SEMA6D: variants seen among roughly 807,000 people sequenced by gnomAD.
The protein encoded by SEMA6D is semaphorin 6D.
In SEMA6D, 35 loss-of-function variants were observed where a neutral mutation model predicts 106.6. The observed-to-expected ratio is 0.33, with a 90% CI of 0.25 to 0.44. The LOEUF is 0.44. Among genes scored for constraint, SEMA6D ranks in the 20% least tolerant of loss-of-function variants. The probability of loss-of-function intolerance (pLI) is 1.00; values close to 1 mark genes in which losing one functional copy is unlikely to be tolerated. For missense variants in SEMA6D, 1,185 were observed against 1,345.9 expected (o/e 0.88, Z 1.87); for synonymous variants, 499 against 487.7 (o/e 1.02, Z -0.31).
At chr15:47,580,007 C>T (rs186921378) in intron 3 of SEMA6D, among the ~76,000 whole-genome samples, 5 of 152,266 alleles carry the variant, frequency 3.3e-5, no homozygotes, top group East Asian at 1.9e-4. Flanking sequence ...TGACCTTTTA[C>T]GTAGTAGTGC....
chr15:47,291,221 G>A (rs760349110), intron 1 of SEMA6D, among the ~76,000 whole-genome samples: 1 of 152,228 alleles, frequency 6.6e-6, no homozygotes, highest in African/African-American at 2.4e-5. Flanking sequence ...GTTCCTCAGT[G>A]CTATAAGGGC....
At chr15:47,314,998 T>C (rs1158671299) in intron 1 of SEMA6D, among the ~76,000 whole-genome samples, 3 of 150,804 alleles carry the variant, frequency 2.0e-5, no homozygotes, top group South Asian at 2.1e-4. Context: ...CCCGAGTAGC[T>C]GGGACTACAG....
At chr15:47,297,895 T>A (rs1453241123) in intron 1 of SEMA6D, among the ~76,000 whole-genome samples, 1 of 151,470 alleles carries the variant, frequency 6.6e-6, no homozygotes, top group African/African-American at 2.4e-5. Context: ...AAGAAGGAGG[T>A]TGGCATGTTT....
At chr15:47,587,787 T>A (rs2076368113) in intron 3 of SEMA6D, among the ~76,000 whole-genome samples, 1 of 48,412 alleles carries the variant, frequency 2.1e-5, no homozygotes, top group Non-Finnish European at 4.9e-5. Flanking sequence ...TTTTACTTTT[T>A]CTTTCTTTTT....
intron 4 of SEMA6D, among the ~76,000 whole-genome samples, chr15:47,655,766 A>G (rs2077780467): frequency 6.6e-6 from 1 of 152,240 alleles, no homozygotes; most frequent in Non-Finnish European, 1.5e-5. Flanking sequence ...ATGAAAACTC[A>G]AATACAGTTA....
At chr15:47,509,559 G>A (rs966474919) in intron 3 of SEMA6D, among the ~76,000 whole-genome samples, 89 of 152,086 alleles carry the variant, frequency 5.9e-4, no homozygotes, top group African/African-American at 2.0e-3. Flanking sequence ...TATTGCCCCC[G>A]AATTATGGTA....
At chr15:47,690,338 CT>C (rs2078558965) in intron 4 of SEMA6D, among the ~76,000 whole-genome samples, 1 of 151,998 alleles carries the variant, frequency 6.6e-6, no homozygotes. Context: ...TTGACTTAGT[CT>C]TTAATGATAG....
chr15:47,566,510 G>A (rs1361875260), intron 3 of SEMA6D, among the ~76,000 whole-genome samples: 2 of 152,344 alleles, frequency 1.3e-5, no homozygotes, highest in African/African-American at 2.4e-5. Context: ...CACATCTGTA[G>A]GGACAAGAAG....
chr15:47,269,037 A>T (rs1464749280), intron 1 of SEMA6D, among the ~76,000 whole-genome samples: 1 of 152,180 alleles, frequency 6.6e-6, no homozygotes, highest in East Asian at 1.9e-4. Context: ...GCATACATTG[A>T]GTAGTAAGCT....
At chr15:47,308,276 T>G (rs1253362828) in intron 1 of SEMA6D, among the ~76,000 whole-genome samples, 1 of 152,180 alleles carries the variant, frequency 6.6e-6, no homozygotes, top group Non-Finnish European at 1.5e-5. Context: ...TGTATGTTGT[T>G]GGATAAATTA....
At chr15:47,691,960 A>T (rs1472918858) in intron 4 of SEMA6D, among the ~76,000 whole-genome samples, 2 of 152,230 alleles carry the variant, frequency 1.3e-5, no homozygotes, top group Non-Finnish European at 2.9e-5. Context: ...AAGAGGCAAC[A>T]TTTACAATGA....
chr15:47,634,408 A>T (rs2077344959), intron 4 of SEMA6D, among the ~76,000 whole-genome samples: 1 of 152,120 alleles, frequency 6.6e-6, no homozygotes, highest in South Asian at 2.1e-4. Context: ...AGGAGGGCTG[A>T]GTCACACAAC....
intron 3 of SEMA6D, among the ~76,000 whole-genome samples, chr15:47,524,562 C>T (rs2044691326): frequency 6.6e-6 from 1 of 152,164 alleles, no homozygotes; most frequent in Admixed American, 6.5e-5. Flanking sequence ...AAATAGAAAG[C>T]TTGCTGTAGT....
At chr15:47,395,016 G>A (rs1221987513) in intron 1 of SEMA6D, among the ~76,000 whole-genome samples, 1 of 151,950 alleles carries the variant, frequency 6.6e-6, no homozygotes, top group Non-Finnish European at 1.5e-5. Flanking sequence ...GAGATGCCAT[G>A]TCCCCAAATA....
At chr15:47,215,765 G>A (rs932343909) in intron 1 of SEMA6D, among the ~76,000 whole-genome samples, 1 of 152,022 alleles carries the variant, frequency 6.6e-6, no homozygotes, top group Non-Finnish European at 1.5e-5. Flanking sequence ...CTCACCTATA[G>A]AACACTTGAT....
chr15:47,220,349 G>T (rs2031076073), intron 1 of SEMA6D, among the ~76,000 whole-genome samples: 1 of 152,164 alleles, frequency 6.6e-6, no homozygotes, highest in African/African-American at 2.4e-5. Flanking sequence ...GGTGAGCTAG[G>T]TGATTGTAGT....
chr15:47,305,176 G>T (rs1251799957), intron 1 of SEMA6D, among the ~76,000 whole-genome samples: 5 of 152,116 alleles, frequency 3.3e-5, no homozygotes, highest in African/African-American at 1.2e-4. Flanking sequence ...AGGTTTCCAG[G>T]TGATTATTAT....
At chr15:47,416,777 T>C (rs2040980595) in intron 2 of SEMA6D, among the ~76,000 whole-genome samples, 1 of 152,084 alleles carries the variant, frequency 6.6e-6, no homozygotes, top group African/African-American at 2.4e-5. Flanking sequence ...AAATCTCAGC[T>C]ATTTTTATTA....
intron 3 of SEMA6D, among the ~76,000 whole-genome samples, chr15:47,492,566 A>G (rs2043506590): frequency 6.6e-6 from 1 of 152,184 alleles, no homozygotes; most frequent in Non-Finnish European, 1.5e-5. Flanking sequence ...AGGTGTTTTG[A>G]AAAACTGCTT....
Sources: gnomAD v4.1 joint callset for allele counts (sites outside exome capture counted in the v4.1 genomes callset) on GRCh38, gnomAD v4.1.1 for gene constraint, MANE v1.5 for transcripts, NCBI Gene and HGNC (gene_info 2026-07-23, HGNC 2026-07-21) for gene names.